DENND2B: variants seen among roughly 807,000 people sequenced by gnomAD.
DENND2B encodes the protein DENN domain containing 2B.
A neutral mutation model predicts 116.0 loss-of-function variants in DENND2B; 32 were observed. The ratio of observed to expected loss-of-function variants is 0.28; its 90% CI spans 0.21 to 0.37. The LOEUF (loss-of-function observed/expected upper bound fraction) is 0.37. Among genes scored for constraint, DENND2B ranks in the 10% least tolerant of loss-of-function variants. The pLI is 1.00. For missense variants in DENND2B, 1,276 were observed against 1,477.7 expected, an observed-to-expected ratio of 0.86 and a Z score of 2.24; for synonymous variants, 588 against 583.9, an observed-to-expected ratio of 1.01 and a Z score of -0.10.
chr11:8,693,956 T>C lies in DENND2B; in HGVS notation c.*140A>G. On this transcript the variant is annotated 3_prime_UTR_variant, in exon 20 of 20. Coordinates refer to ENST00000313726, the MANE Select transcript of DENND2B (RefSeq NM_213618.2). ...TTACAAACAGTATCCTGGGATATGA[T>C]GAAGGCAGAGGTGGGCTGGCTTGGA... is the stretch of plus-strand genomic sequence containing the variant. 2 of 775,800 alleles carry C rather than the reference T, an allele frequency of 2.6e-6. No individual in the cohort carries two copies. Among genetic ancestry groups the C allele is most frequent in the Admixed American group, 2.6e-5 (1 of 38,692 alleles). 48.1% of individuals were successfully genotyped at this position (775,800 alleles called of 1,614,324 possible).
rs2042841057 is a variant in DENND2B, at chr11:8,707,646, T to C, written c.2430+131A>G. 4 of 865,656 alleles carry C rather than the reference T, an allele frequency of 4.6e-6. No homozygotes were observed. Among genetic ancestry groups the C allele is most frequent in the Non-Finnish European group, 7.2e-6 (4 of 558,836 alleles). 53.6% of individuals were successfully genotyped at this position (865,656 alleles called of 1,614,324 possible). A position where few individuals can be genotyped will look rare whatever the true frequency, so the allele number is the denominator to read the frequency against. Reference sequence around the variant, plus strand: ...GGGAGGGTGTCAGAGAGCTCACTGGTACTTGTTCCTGCATTCTGTCTCCCG... The same window carrying C: ...GGGAGGGTGTCAGAGAGCTCACTGGCACTTGTTCCTGCATTCTGTCTCCCG... On this transcript the variant is annotated intron_variant, in intron 12 of 19. Transcript: ENST00000313726. This position sits in a 1 kb window ranked among gnomAD's most constrained non-coding sequence, Gnocchi z 4.8.
chr11:8,850,009 C>CA (rs879737191), intron 3 of DENND2B, among the ~76,000 whole-genome samples: 2,297 of 147,550 alleles, frequency 0.016, 25 homozygotes, highest in African/African-American at 0.022. Context: ...GTGGTACATG[C>CA]CCATAATCCC....
At chr11:8,856,866 A>C (rs1594261265) in intron 3 of DENND2B, among the ~76,000 whole-genome samples, 1 of 149,432 alleles carries the variant, frequency 6.7e-6, no homozygotes, top group African/African-American at 2.5e-5. Flanking sequence ...CAATCCTCCC[A>C]CCTCAGCCTC....
chr11:8,715,641 C>T lies in DENND2B; in HGVS notation c.1807G>A (p.Glu603Lys), dbSNP rs1442252090. Residue 603 changes from glutamate (E) to lysine (K), a missense_variant, in exon 6 of 20, where the codon GAG becomes AAG. Glu to Lys is a moderately conservative substitution (Grantham distance 56, BLOSUM62 1). Around this residue, in one of 2 missense-constraint regions of DENND2B, gnomAD observed 856 missense variants for 846.6 expected, o/e 1.01. Coordinates refer to ENST00000313726, the MANE Select transcript of DENND2B (RefSeq NM_213618.2). ...CGGGCCCGGCGGCTGGACAGCAGCT[C>T]GCTGGTGGTGCTGAGGCTGTCTTCA... The part of the protein sequence containing the change: ...LNEDSLSTTS[E>K]LLSSRRARRI... 8.7e-6 allele frequency: 14 copies of T among 1,613,628 alleles called. No individual in the cohort carries two copies. Among genetic ancestry groups the T allele is most frequent in the South Asian group, 2.2e-5 (2 of 91,068 alleles).
intron 4 of DENND2B, among the ~76,000 whole-genome samples, chr11:8,829,148 G>A (rs1488690388): frequency 2.0e-5 from 3 of 151,206 alleles, no homozygotes; most frequent in Admixed American, 1.3e-4. Flanking sequence ...TATGTGTGGT[G>A]TGTGTGTGGT....
intron 1 of DENND2B, among the ~76,000 whole-genome samples, chr11:8,761,113 C>A (rs1047263381): frequency 6.6e-6 from 1 of 152,194 alleles, no homozygotes; most frequent in Non-Finnish European, 1.5e-5. Flanking sequence ...CACTTCAGTG[C>A]AGATCCTGCA....
intron 1 of DENND2B, chr11:8,808,904 T>C (rs1301037957): frequency 7.7e-6 from 1 of 130,530 alleles, no homozygotes; most frequent in Non-Finnish European, 1.8e-5. Flanking sequence ...TTCTTTCTGC[T>C]ATACCAACAG....
At chr11:8,717,657 G>GATCTCGGTGGTCGCCGTATCATTA in intron 5 of DENND2B, 84 bp downstream of exon 5, 1 of 1,456,476 alleles carries the variant, frequency 6.9e-7, no homozygotes, top group South Asian at 1.6e-5. Flanking sequence ...AGCCTGAGTG[G>GATCTCGGTGGTCGCCGTATCATTA]AAGCTGGGCC....
chr11:8,753,655 A>G (rs2052998251), intron 1 of DENND2B, among the ~76,000 whole-genome samples: 1 of 152,210 alleles, frequency 6.6e-6, no homozygotes, highest in Non-Finnish European at 1.5e-5. Context: ...TGCCAATTAA[A>G]AAAAAATACT....
intron 11 of DENND2B, among the ~76,000 whole-genome samples, chr11:8,708,724 G>A (rs1206493456): frequency 2.0e-5 from 3 of 152,184 alleles, no homozygotes; most frequent in Non-Finnish European, 2.9e-5. Flanking sequence ...GGCCAAGGGA[G>A]GTGGATCACC....
At chr11:8,904,456 A>G (rs1466215349) in intron 1 of DENND2B, among the ~76,000 whole-genome samples, 1 of 152,218 alleles carries the variant, frequency 6.6e-6, no homozygotes, top group East Asian at 1.9e-4. Context: ...GTATCTACAA[A>G]AAAACAAATA....
chr11:8,695,856 A>G (rs1203285719), intron 18 of DENND2B: 1 of 434,678 alleles, frequency 2.3e-6, no homozygotes. Context: ...CCTTCAGACA[A>G]CTCTACCATG....
chr11:8,779,447 T>G (rs2058106733), intron 1 of DENND2B, among the ~76,000 whole-genome samples: 1 of 152,068 alleles, frequency 6.6e-6, no homozygotes. Context: ...CCAGCCTCTC[T>G]GCACCTACCT....
intron 3 of DENND2B, among the ~76,000 whole-genome samples, chr11:8,853,874 G>A (rs2063099046): frequency 6.6e-6 from 1 of 151,672 alleles, no homozygotes; most frequent in Admixed American, 6.6e-5. Context: ...TTAGAGACAA[G>A]GTCTCACTCT....
In DENND2B at chr11:8,717,958, C is replaced by T. The variant is rs886422412; in HGVS notation, c.1478-66G>A. ...AAGGAAACACACGAACTCACACACA[C>T]ACAAATAAACAAGCAGAATTCCTGT... On this transcript the variant is annotated intron_variant, in intron 4 of 19. Coordinates refer to ENST00000313726, the MANE Select transcript of DENND2B (RefSeq NM_213618.2). 10 of 1,546,684 alleles carry T rather than the reference C, an allele frequency of 6.5e-6. No individual in the cohort carries two copies. The East Asian group carries it at 1.1e-4, about 18-fold the overall frequency.
At chr11:8,758,800 G>A (rs554991438) in intron 1 of DENND2B, among the ~76,000 whole-genome samples, 3 of 152,186 alleles carry the variant, frequency 2.0e-5, no homozygotes, top group Admixed American at 6.5e-5. Context: ...TGGTCCACTC[G>A]GCTCTAACCT....
chr11:8,829,039 GGT>G (rs924436492), intron 4 of DENND2B, among the ~76,000 whole-genome samples: 2 of 147,762 alleles, frequency 1.4e-5, no homozygotes, highest in African/African-American at 5.0e-5. Flanking sequence ...GTGTGTGTAT[GGT>G]GTGTTTGTGT....
In DENND2B at chr11:8,707,942, G is replaced by T. The variant is rs1224849673; in HGVS notation, c.2353-88C>A. 5 of 1,545,354 alleles carry T rather than the reference G, an allele frequency of 3.2e-6. No individual in the cohort carries two copies. The African/African-American group carries it at 4.1e-5, about 13-fold the overall frequency. ...TGGCTCCTTTTCCTTGGGAACGGAG[G>T]AGTAAGGACTGCCCTTCTAGTGGAG... On this transcript the variant is annotated intron_variant, in intron 11 of 19. Coordinates refer to ENST00000313726, the MANE Select transcript of DENND2B (RefSeq NM_213618.2). The surrounding 1 kb of genome is among the most constrained non-coding windows in gnomAD (Gnocchi z 4.8).
At chr11:8,879,051 A>G (rs1047199455) in intron 2 of DENND2B, among the ~76,000 whole-genome samples, 1 of 152,224 alleles carries the variant, frequency 6.6e-6, no homozygotes, top group Admixed American at 6.5e-5. Flanking sequence ...CACCTCAAAC[A>G]TTTTTTAAAA....
Sources: gnomAD v4.1 joint callset for allele counts (sites outside exome capture counted in the v4.1 genomes callset) on GRCh38, gnomAD v4.1.1 for gene constraint, gnomAD v4.1.1 regional missense constraint, Gnocchi (gnomAD v3.1) non-coding constraint, MANE v1.5 for transcripts, NCBI Gene and HGNC (gene_info 2026-07-23, HGNC 2026-07-21) for gene names.